PSMA3: variants seen among roughly 807,000 people sequenced by gnomAD.
The protein encoded by PSMA3 is proteasome 20S subunit alpha 3, also known as proteasome subunit alpha type-3.
In PSMA3, 8 loss-of-function variants were observed where a neutral mutation model predicts 40.0. The observed-to-expected ratio is 0.20, with a 90% CI of 0.12 to 0.36. The LOEUF is 0.36. Among genes scored for constraint, PSMA3 ranks in the 10% least tolerant of loss-of-function variants. The pLI, the probability that PSMA3 is intolerant of heterozygous loss-of-function variation, is 1.00. For synonymous variants in PSMA3, 110 were observed against 100.0 expected, an observed-to-expected ratio of 1.10 and a Z score of -0.59; for missense variants, 219 against 310.6, an observed-to-expected ratio of 0.70 and a Z score of 2.22.
chr14:58,253,658 A>C (rs1195235630), intron 3 of PSMA3, among the ~76,000 whole-genome samples: 2 of 152,106 alleles, frequency 1.3e-5, no homozygotes, highest in Non-Finnish European at 2.9e-5. Flanking sequence ...CAATGGCGCG[A>C]TCTCAGCTCA....
rs779318060 is a variant in PSMA3 at position 58,271,927 on chromosome 14, T to G, written c.*32T>G. On this transcript the variant is annotated 3_prime_UTR_variant, in exon 11 of 11. Coordinates refer to ENST00000216455, the MANE Select transcript of PSMA3 (RefSeq NM_002788.4). ...CTCCAGCATCTATTGTATTTTAAAT[T>G]TCTACTCCAGTCCAATGTAACTATT... 11 of 1,468,916 alleles carry G rather than the reference T, an allele frequency of 7.5e-6. No individual in the cohort carries two copies. Among genetic ancestry groups the G allele is most frequent in the Non-Finnish European group, 1.0e-5 (11 of 1,050,272 alleles). The allele number at this position is 1,468,916 out of a possible 1,614,324, so 91.0% of individuals were successfully genotyped here.
At chr14:58,250,243 CAG>C (rs1230485424) in intron 2 of PSMA3, among the ~76,000 whole-genome samples, 5 of 94,206 alleles carry the variant, frequency 5.3e-5, no homozygotes, top group African/African-American at 2.1e-4. Flanking sequence ...AAAATAGGGA[CAG>C]AGTTTCAAAA....
chr14:58,270,891 T>C, intron 9 of PSMA3, 43 bp from the exon 10 acceptor site: 1 of 1,469,332 alleles, frequency 6.8e-7, no homozygotes, highest in Admixed American at 1.8e-5. Context: ...TACAATATGG[T>C]ACTCAATTTA....
At chr14:58,252,964 T>C (rs547039424) in intron 3 of PSMA3, among the ~76,000 whole-genome samples, 1 of 150,532 alleles carries the variant, frequency 6.6e-6, no homozygotes, top group African/African-American at 2.5e-5. Context: ...CAGTGAAGGT[T>C]ATATCAATGT....
intron 7 of PSMA3, chr14:58,266,705 T>A (rs1214887256): frequency 6.6e-6 from 1 of 152,242 alleles, no homozygotes; most frequent in Non-Finnish European, 1.5e-5. Context: ...CCTGCTCAAA[T>A]CTTGGTTCTT....
chr14:58,270,886 T>A (rs189332479), intron 9 of PSMA3, 48 bp from the exon 10 acceptor site: 13 of 1,455,676 alleles, frequency 8.9e-6, no homozygotes, highest in Non-Finnish European at 1.2e-5. Context: ...CAAGTTACAA[T>A]ATGGTACTCA....
At chr14:58,251,391 ATC>A (rs1022204450) in intron 2 of PSMA3, among the ~76,000 whole-genome samples, 1 of 152,048 alleles carries the variant, frequency 6.6e-6, no homozygotes, top group East Asian at 1.9e-4. Flanking sequence ...GGCTCAAGCA[ATC>A]TCTCACCTCA....
intron 3 of PSMA3, among the ~76,000 whole-genome samples, chr14:58,254,959 T>C (rs1295175966): frequency 2.0e-5 from 3 of 152,198 alleles, no homozygotes; most frequent in South Asian, 2.1e-4. Context: ...TTATTACTAT[T>C]ACTGGGTAGC....
intron 9 of PSMA3, 83 bp downstream of exon 9, chr14:58,270,568 A>G (rs1033464423): frequency 6.3e-6 from 10 of 1,581,464 alleles, no homozygotes; most frequent in Non-Finnish European, 8.6e-6. Context: ...TTCTAATATA[A>G]TGAAAGCTAA....
intron 3 of PSMA3, among the ~76,000 whole-genome samples, chr14:58,256,308 G>C (rs1367071718): frequency 6.6e-6 from 1 of 152,004 alleles, no homozygotes; most frequent in Admixed American, 6.6e-5. Flanking sequence ...CTTGGGACCA[G>C]CAGTATATCG....
chr14:58,258,925 A>G (rs1890208100), intron 5 of PSMA3, among the ~76,000 whole-genome samples: 1 of 122,976 alleles, frequency 8.1e-6, no homozygotes, highest in African/African-American at 3.3e-5. Context: ...TCTATTGGTA[A>G]TATTACATTA....
chr14:58,256,564 C>CA (rs1273015448), intron 3 of PSMA3, among the ~76,000 whole-genome samples: 2 of 151,936 alleles, frequency 1.3e-5, no homozygotes, highest in Non-Finnish European at 2.9e-5. Context: ...CAGGTGCCTG[C>CA]AACCACGCCT....
In PSMA3 at chr14:58,261,017, A is replaced by G. The variant is rs772048165; in HGVS notation, c.474A>G (p.Ser158=). Residue 158 remains serine (S), a synonymous_variant, in exon 6 of 11, where the codon TCA becomes TCG. Coordinates refer to ENST00000216455, the MANE Select transcript of PSMA3 (RefSeq NM_002788.4). ...QLYMIDPSGV[S]YGYWGCAIGK... ...ACATGATTGACCCATCAGGTGTTTC[A>G]TACGTGAGTAATTTTGAATCATTTG... 1.3e-6 allele frequency: 2 copies of G among 1,596,912 alleles called. No homozygotes were observed. Among genetic ancestry groups the G allele is most frequent in the African/African-American group, 2.7e-5 (2 of 74,592 alleles).
chr14:58,257,497 CA>C (rs1188889919), intron 3 of PSMA3, among the ~76,000 whole-genome samples: 140 of 128,902 alleles, frequency 1.1e-3, no homozygotes, highest in Non-Finnish European at 1.2e-3. Context: ...GACCCCGTAT[CA>C]AAAAAAAAAA....
At position 58,259,334 on chromosome 14, in the gene PSMA3, A is replaced by G. The variant is rs770521924; in HGVS notation, c.404+1336A>G. ...TTTTTGTTTGTTTTGTTTTGTTTTG[A>G]GATGGAGTCTCGCTCTGTCGCCCAG... On this transcript the variant is annotated intron_variant, in intron 5 of 10. Transcript: ENST00000216455. Among the ~76,000 whole-genome samples the G allele has an allele frequency of 4.9e-4, 75 of 151,760 alleles. 1 individual carries two copies. The highest frequency in any genetic ancestry group is 2.3e-3 in the South Asian group (11 of 4,812).
chr14:58,262,393 A>T (rs1424532317), intron 6 of PSMA3, among the ~76,000 whole-genome samples: 1 of 152,034 alleles, frequency 6.6e-6, no homozygotes, highest in Non-Finnish European at 1.5e-5. Flanking sequence ...TTCAGTAGAG[A>T]CGAGGTTTCA....
At chr14:58,244,987 G>A (rs1421071036) in intron 1 of PSMA3, 46 bp downstream of exon 1, 1 of 1,613,896 alleles carries the variant, frequency 6.2e-7, no homozygotes, top group Non-Finnish European at 8.5e-7. Flanking sequence ...TAAGGATTGG[G>A]GTTGAAGGGA....
chr14:58,258,301 G>T, intron 5 of PSMA3: 1 of 253,330 alleles, frequency 3.9e-6, no homozygotes. Flanking sequence ...TTAGCCAGGT[G>T]CAGTATCACA....
intron 10 of PSMA3, 122 bp downstream of exon 10, chr14:58,271,120 ATTCTCT>A: frequency 3.0e-5 from 16 of 525,182 alleles, no homozygotes; most frequent in Non-Finnish European, 5.1e-5. Context: ...AAAAAAAAAA[ATTCTCT>A]AACCAAAATT....
Sources: allele counts gnomAD v4.1 joint callset (sites outside exome capture counted in the v4.1 genomes callset), GRCh38; gene constraint gnomAD v4.1.1; transcripts MANE v1.5; gene names NCBI Gene and HGNC (gene_info 2026-07-23, HGNC 2026-07-21).